Variants in UBR3 observed in about 807,000 individuals in gnomAD.
UBR3 encodes the protein ubiquitin protein ligase E3 component n-recognin 3, also known as E3 ubiquitin-protein ligase UBR3.
UBR3 carries 85 observed loss-of-function variants against 243.2 expected under a neutral mutation model. The observed-to-expected ratio is 0.35, with a 90% CI of 0.29 to 0.42. The LOEUF is 0.42. UBR3 is among the 10% of genes least tolerant of loss of function. UBR3 has a pLI of 1.00. For synonymous variants in UBR3, 748 were observed against 799.8 expected (o/e 0.94, Z 1.09); for missense variants, 1,686 against 2,300.8 (o/e 0.73, Z 5.47).
intron 1 of UBR3, among the ~76,000 whole-genome samples, chr2:169,834,969 A>G (rs897474085): frequency 6.6e-6 from 1 of 152,222 alleles, no homozygotes; most frequent in South Asian, 2.1e-4. Context: ...GGAATAGTCA[A>G]ATTCATACAG....
At chr2:169,844,882 T>C (rs1408162868) in intron 1 of UBR3, among the ~76,000 whole-genome samples, 4 of 152,176 alleles carry the variant, frequency 2.6e-5, no homozygotes. Flanking sequence ...ATTTCATTGA[T>C]ATCTGCTCTT....
rs571963450 is a variant in UBR3, at chr2:169,920,603, C to G, written c.1867-3326C>G. On this transcript the variant is annotated intron_variant, in intron 11 of 38. Coordinates refer to ENST00000272793, the MANE Select transcript of UBR3 (RefSeq NM_172070.4). ...TTTGCTTTGCCCTGAGTGTATGTGC[C>G]TCATTTTTTCTTCCCTTCCTGTGCT... Among the ~76,000 whole-genome samples, 21 of 152,192 alleles carry G rather than the reference C, an allele frequency of 1.4e-4. No homozygotes were observed. In the East Asian group the frequency reaches 2.3e-3, roughly 17 times the overall value.
At position 170,006,695 on chromosome 2, in the gene UBR3, T is replaced by A. The variant is rs542227747; in HGVS notation, c.4030-295T>A. ...GGCCTGTTTTTTGAATTATTCTTTATCTTAAATCCACATTTCAGATTAATT... is the reference window on the plus strand; with the variant it reads ...GGCCTGTTTTTTGAATTATTCTTTAACTTAAATCCACATTTCAGATTAATT... On this transcript the variant is annotated intron_variant, in intron 27 of 38. Transcript: ENST00000272793. Among the ~76,000 whole-genome samples, 8 of 152,298 alleles carry A rather than the reference T, an allele frequency of 5.3e-5. 1 individual carries two copies. The South Asian group carries it at 1.7e-3, about 32-fold the overall frequency.
In UBR3 at chr2:169,827,631, C is replaced by T; in HGVS notation, c.124C>T (p.Pro42Ser). 1 of 1,266,306 alleles carries T rather than the reference C, an allele frequency of 7.9e-7. No individual in the cohort carries two copies. Among genetic ancestry groups the T allele is most frequent in the South Asian group, 2.9e-5 (1 of 34,756 alleles). The allele number at this position is 1,266,306 out of a possible 1,614,324, so 78.4% of individuals were successfully genotyped here. A position where few individuals can be genotyped will look rare whatever the true frequency, so the allele number is the denominator to read the frequency against. Reference protein sequence around the residue: ...AAHLKAALSRPDNRAGAEELQ... With the variant: ...AAHLKAALSRSDNRAGAEELQ... ...GCACCTCAAGGCGGCCCTCAGCCGG[C>T]CGGACAACCGCGCAGGTGCTGAGGA... The change falls in exon 1 of 39, where the codon CCG becomes TCG. Residue 42 changes from proline to serine, a missense_variant. Transcript: ENST00000272793.
chr2:169,902,830 G>C (rs959615728), intron 8 of UBR3, among the ~76,000 whole-genome samples: 1 of 152,164 alleles, frequency 6.6e-6, no homozygotes, highest in South Asian at 2.1e-4. Flanking sequence ...GGCTGGTCTC[G>C]AACTCCTGAC....
At chr2:169,829,222 A>C (rs976222187) in intron 1 of UBR3, among the ~76,000 whole-genome samples, 7 of 139,026 alleles carry the variant, frequency 5.0e-5, no homozygotes, top group African/African-American at 1.9e-4. Context: ...CTTCTTGGAT[A>C]TTAAAAATGA....
At chr2:169,964,956 A>G (rs917891412) in intron 24 of UBR3, 1 of 456,910 alleles carries the variant, frequency 2.2e-6, no homozygotes, top group Non-Finnish European at 4.4e-6. Context: ...TGTATGCTGC[A>G]GTGGTGACAG....
intron 25 of UBR3, 24 bp downstream of exon 25, chr2:169,986,818 T>C: frequency 6.2e-7 from 1 of 1,612,694 alleles, no homozygotes; most frequent in Non-Finnish European, 8.5e-7. Context: ...AATTTTTTCA[T>C]GGGAACATTT....
chr2:169,908,707 T>G (rs2085117301), intron 10 of UBR3, among the ~76,000 whole-genome samples: 2 of 152,032 alleles, frequency 1.3e-5, no homozygotes, highest in Non-Finnish European at 2.9e-5. Context: ...AGAGAATGCG[T>G]TTATGAAGAG....
At chr2:170,017,211 A>T in intron 30 of UBR3, among the ~76,000 whole-genome samples, 1 of 151,944 alleles carries the variant, frequency 6.6e-6, no homozygotes, top group Non-Finnish European at 1.5e-5. Flanking sequence ...ATTAAAAAAA[A>T]AAAATCTATC....
At chr2:170,045,320 C>CA (rs760162522) in intron 32 of UBR3, among the ~76,000 whole-genome samples, 3 of 152,156 alleles carry the variant, frequency 2.0e-5, no homozygotes, top group African/African-American at 7.2e-5. Flanking sequence ...GTCCCTCCCA[C>CA]AACACGAGGG....
chr2:169,853,250 C>A (rs185584988), intron 1 of UBR3, among the ~76,000 whole-genome samples: 1 of 152,258 alleles, frequency 6.6e-6, no homozygotes, highest in East Asian at 1.9e-4. Context: ...GGGCAGGAGG[C>A]AGACAATTAT....
At chr2:169,994,540 A>T (rs1238734929) in intron 26 of UBR3, 84 bp downstream of exon 26, 2 of 1,456,846 alleles carry the variant, frequency 1.4e-6, no homozygotes, top group Middle Eastern at 1.9e-4. Flanking sequence ...TTTTACCAAA[A>T]TGGCATTCTG....
chr2:169,911,389 G>A (rs1448197937), intron 10 of UBR3, among the ~76,000 whole-genome samples: 1 of 152,120 alleles, frequency 6.6e-6, no homozygotes, highest in Non-Finnish European at 1.5e-5. Context: ...AGCATTTTAT[G>A]TACATCATTT....
intron 10 of UBR3, among the ~76,000 whole-genome samples, chr2:169,906,874 C>T (rs1015580792): frequency 2.0e-5 from 3 of 152,086 alleles, no homozygotes; most frequent in Admixed American, 1.3e-4. Context: ...AGAAATGGGA[C>T]AGTAAAGCCT....
At chr2:170,035,010 A>C (rs934140400) in intron 31 of UBR3, among the ~76,000 whole-genome samples, 1 of 151,722 alleles carries the variant, frequency 6.6e-6, no homozygotes, top group Non-Finnish European at 1.5e-5. Context: ...CCATTTTTTA[A>C]TTGGGTTTTT....
chr2:169,947,040 A>G (rs1038013330), intron 21 of UBR3, among the ~76,000 whole-genome samples: 2 of 152,140 alleles, frequency 1.3e-5, no homozygotes, highest in African/African-American at 4.8e-5. Context: ...ATGACAAAAT[A>G]TAACACAGCA....
intron 1 of UBR3, among the ~76,000 whole-genome samples, chr2:169,828,394 G>A (rs1018887558): frequency 5.3e-5 from 8 of 151,992 alleles, no homozygotes; most frequent in African/African-American, 1.9e-4. Context: ...TGTCAAGTGT[G>A]TACTTGTTGG....
chr2:169,878,676 TTGTAGGCATTA>T (rs2083708684), intron 5 of UBR3, 102 bp downstream of exon 5: 1 of 1,079,056 alleles, frequency 9.3e-7, no homozygotes, highest in East Asian at 2.6e-5. Flanking sequence ...CTGTATAGAT[TTGTAGGCATTA>T]TGTAGTTTAA....
Sources: allele counts gnomAD v4.1 joint callset (sites outside exome capture counted in the v4.1 genomes callset), GRCh38; gene constraint gnomAD v4.1.1; transcripts MANE v1.5; gene names NCBI Gene and HGNC (gene_info 2026-07-23, HGNC 2026-07-21).